CALN1: variants seen among roughly 807,000 people sequenced by gnomAD.
The protein encoded by CALN1 is calneuron 1, also known as calcium-binding protein 8.
A neutral mutation model predicts 30.6 loss-of-function variants in CALN1; 17 were observed. The ratio of observed to expected loss-of-function variants is 0.56; its 90% CI spans 0.38 to 0.83. The LOEUF is 0.83. CALN1 is among the 40% of genes least tolerant of loss of function. The probability of loss-of-function intolerance (pLI) is 0.00; values close to 1 mark genes in which losing one functional copy is unlikely to be tolerated. For missense variants in CALN1, 291 were observed against 354.9 expected, an observed-to-expected ratio of 0.82 and a Z score of 1.45; for synonymous variants, 156 against 131.4, an observed-to-expected ratio of 1.19 and a Z score of -1.28.
intron 1 of CALN1, among the ~76,000 whole-genome samples, chr7:72,411,516 AT>A (rs2129562956): frequency 2.0e-5 from 3 of 152,394 alleles, no homozygotes; most frequent in African/African-American, 7.2e-5. Flanking sequence ...CTTTAAAAAA[AT>A]ATGGACGTAT....
intron 3 of CALN1, among the ~76,000 whole-genome samples, chr7:72,226,009 T>C (rs899386589): frequency 6.7e-5 from 10 of 148,586 alleles, no homozygotes; most frequent in Non-Finnish European, 1.2e-4. Context: ...GGCAGGAGAA[T>C]CACTTGAACC....
chr7:71,818,110 C>G (rs577749383), intron 5 of CALN1, among the ~76,000 whole-genome samples: 30 of 152,166 alleles, frequency 2.0e-4, no homozygotes, highest in African/African-American at 7.2e-4. Flanking sequence ...TTCTTGAAAC[C>G]AAGCAAATGA....
intron 4 of CALN1, among the ~76,000 whole-genome samples, chr7:72,079,946 T>G (rs991731091): frequency 6.6e-6 from 1 of 151,882 alleles, no homozygotes; most frequent in Non-Finnish European, 1.5e-5. Context: ...AATTTTTGTA[T>G]TTTTAGTAGA....
chr7:71,986,944 A>G (rs896486510), intron 5 of CALN1, among the ~76,000 whole-genome samples: 2 of 152,174 alleles, frequency 1.3e-5, no homozygotes, highest in East Asian at 1.9e-4. Context: ...CCTGGCCAAT[A>G]TAACAAAACA....
intron 3 of CALN1, among the ~76,000 whole-genome samples, chr7:72,267,244 C>T (rs921330944): frequency 4.6e-5 from 7 of 152,072 alleles, no homozygotes; most frequent in Non-Finnish European, 8.8e-5. Flanking sequence ...CAGTAGGGGA[C>T]GGGGGACCTT....
chr7:72,277,436 G>T (rs1020710257), intron 3 of CALN1, among the ~76,000 whole-genome samples: 1 of 152,096 alleles, frequency 6.6e-6, no homozygotes, highest in Non-Finnish European at 1.5e-5. Context: ...TCTCCTCTCA[G>T]GCCACCAGTC....
chr7:72,009,520 T>C (rs2129529106), intron 5 of CALN1, among the ~76,000 whole-genome samples: 1 of 152,266 alleles, frequency 6.6e-6, no homozygotes, highest in Middle Eastern at 3.4e-3. Flanking sequence ...CAAAGGCCAT[T>C]TGAGAAAAAG....
At chr7:72,137,563 A>C (rs1280725884) in intron 3 of CALN1, among the ~76,000 whole-genome samples, 2 of 152,182 alleles carry the variant, frequency 1.3e-5, no homozygotes, top group African/African-American at 4.8e-5. Context: ...AAAACAAAAC[A>C]AAAAAACACA....
intron 4 of CALN1, among the ~76,000 whole-genome samples, chr7:72,105,224 G>C (rs112771483): frequency 1.3e-5 from 2 of 152,064 alleles, no homozygotes; most frequent in Non-Finnish European, 2.9e-5. Context: ...CCCTGCCCCC[G>C]CACCTGCCTT....
intron 2 of CALN1, among the ~76,000 whole-genome samples, chr7:72,341,907 G>GA (rs370718863): frequency 0.035 from 5,308 of 149,846 alleles, 114 homozygotes; most frequent in Middle Eastern, 0.051. Flanking sequence ...ACTTTGGGAG[G>GA]AAAAAAAAAA....
intron 5 of CALN1, among the ~76,000 whole-genome samples, chr7:71,998,037 T>C (rs1799338507): frequency 6.6e-6 from 1 of 151,980 alleles, no homozygotes; most frequent in Admixed American, 6.6e-5. Context: ...GCCAGGCTGG[T>C]CTGAAACTCC....
At chr7:72,330,068 A>G (rs1009648716) in intron 2 of CALN1, among the ~76,000 whole-genome samples, 3 of 151,980 alleles carry the variant, frequency 2.0e-5, no homozygotes, top group Non-Finnish European at 4.4e-5. Context: ...AGGCAGGCGG[A>G]TCACCTGAGG....
intron 2 of CALN1, among the ~76,000 whole-genome samples, chr7:72,338,203 CA>C (rs1802190324): frequency 6.6e-6 from 1 of 152,130 alleles, no homozygotes; most frequent in Admixed American, 6.5e-5. Context: ...CAAACCTGGC[CA>C]AAGCAGGCTA....
rs539965943 is a variant in CALN1, at chr7:71,994,871, G to C, written c.501+28786C>G. Among the ~76,000 whole-genome samples, 1,001 of 123,136 alleles carry C rather than the reference G, an allele frequency of 8.1e-3. 11 individuals carry two copies. Among genetic ancestry groups the C allele is most frequent in the African/African-American group, 0.03 (962 of 32,054 alleles). 80.8% of individuals were successfully genotyped at this position (123,136 alleles called of 152,430 possible). ...TTCCTATTTTTTTTTTTTTTTTTTC[G>C]AGACGGAGTCTGGCTCTGTCCCCCA... On this transcript the variant is annotated intron_variant, in intron 5 of 6. Transcript: ENST00000395275.
chr7:72,209,144 T>TC (rs1252839024), intron 3 of CALN1, among the ~76,000 whole-genome samples: 2 of 136,980 alleles, frequency 1.5e-5, no homozygotes, highest in Non-Finnish European at 3.1e-5. Flanking sequence ...CCTCTTTCAT[T>TC]CCTTCCCCCC....
chr7:72,298,870 C>CA (rs1255876062), intron 2 of CALN1, among the ~76,000 whole-genome samples: 5 of 151,732 alleles, frequency 3.3e-5, no homozygotes, highest in African/African-American at 1.2e-4. Flanking sequence ...TGCCTGCCGC[C>CA]ATCCACGTCA....
chr7:72,380,866 T>G (rs1433315599), intron 2 of CALN1, among the ~76,000 whole-genome samples: 1 of 151,996 alleles, frequency 6.6e-6, no homozygotes, highest in East Asian at 1.9e-4. Context: ...CAAGTAAATT[T>G]TAGAAACCAT....
chr7:72,307,016 C>G (rs1799702777), intron 2 of CALN1, among the ~76,000 whole-genome samples: 2 of 152,292 alleles, frequency 1.3e-5, no homozygotes, highest in Admixed American at 6.5e-5. Flanking sequence ...CAGTTCAGTC[C>G]ACAGCACTAA....
At chr7:72,422,949 C>T (rs896758097) in intron 1 of CALN1, among the ~76,000 whole-genome samples, 20 of 151,964 alleles carry the variant, frequency 1.3e-4, no homozygotes, top group Non-Finnish European at 1.0e-4. Context: ...GCCAACACGG[C>T]GAAACCTCAT....
Sources: gnomAD v4.1 joint callset for allele counts (sites outside exome capture counted in the v4.1 genomes callset) on GRCh38, gnomAD v4.1.1 for gene constraint, MANE v1.5 for transcripts, NCBI Gene and HGNC (gene_info 2026-07-23, HGNC 2026-07-21) for gene names.